The following NLRP2 variants were observed in gnomAD, a reference collection of about 807,000 sequenced individuals.
NLRP2 encodes the protein NACHT, LRR and PYD domains-containing protein 2.
In NLRP2, 107 loss-of-function variants were observed where a neutral mutation model predicts 97.2. That is an observed-to-expected ratio of 1.10 (90% CI 0.94 to 1.29). NLRP2 has a LOEUF of 1.29. Among genes scored for constraint, NLRP2 ranks in the 50% most tolerant of loss-of-function variants. The pLI, the probability that NLRP2 is intolerant of heterozygous loss-of-function variation, is 0.00. For missense variants in NLRP2, 1,495 were observed against 1,330.3 expected (o/e 1.12, Z -1.93); for synonymous variants, 663 against 551.5 (o/e 1.20, Z -2.83).
chr19:54,970,642 GC>G (rs1390611505), intron 2 of NLRP2, among the ~76,000 whole-genome samples: 1 of 151,246 alleles, frequency 6.6e-6, no homozygotes, highest in African/African-American at 2.4e-5. Flanking sequence ...GGCAACAAGA[GC>G]AAAATTCTGT....
intron 4 of NLRP2, among the ~76,000 whole-genome samples, chr19:54,981,394 T>C (rs1280715447): frequency 6.6e-6 from 1 of 151,906 alleles, no homozygotes; most frequent in Non-Finnish European, 1.5e-5. Context: ...CTCGAACTCC[T>C]GAGCTCAAGT....
At chr19:54,980,693 G>A (rs917339606) in intron 4 of NLRP2, among the ~76,000 whole-genome samples, 4 of 152,292 alleles carry the variant, frequency 2.6e-5, no homozygotes, top group East Asian at 1.9e-4. Flanking sequence ...TTTAACTTGC[G>A]GTCTTCTTTC....
chr19:54,986,343 C>T (rs756220276), intron 8 of NLRP2, 28 bp downstream of exon 8: 6 of 1,602,530 alleles, frequency 3.7e-6, no homozygotes, highest in Non-Finnish European at 5.1e-6. Flanking sequence ...TAAAATCCTT[C>T]ATCATACAAA....
At chr19:54,976,842 CGCTT>C (rs1290245899) in intron 3 of NLRP2, 21 of 239,708 alleles carry the variant, frequency 8.8e-5, no homozygotes, top group Non-Finnish European at 8.4e-5. Context: ...TACGGAGTCT[CGCTT>C]GCTCTTTTGC....
At chr19:54,998,025 C>CTTTTTTTTTTTTTTTT (rs757893808) in intron 12 of NLRP2, among the ~76,000 whole-genome samples, 2 of 127,296 alleles carry the variant, frequency 1.6e-5, no homozygotes, top group African/African-American at 2.9e-5. Context: ...TTTTTTCTTT[C>CTTTTTTTTTTTTTTTT]TTTTTTTTTT....
chr19:54,978,057 A>AGTTTTTGTTTTT (rs749324557), intron 4 of NLRP2, among the ~76,000 whole-genome samples: 1 of 151,854 alleles, frequency 6.6e-6, no homozygotes, highest in Non-Finnish European at 1.5e-5. Flanking sequence ...CAGCGCAGAG[A>AGTTTTTGTTTTT]GTTTTTGTTT....
chr19:55,000,755 C>T lies in NLRP2; in HGVS notation c.3051-5C>T. ...GTAACCTTTTCTTCCCCCATTGTACCCCAGGTTGAAAATCGATGACTTTAA... is the reference window on the plus strand; with the variant it reads ...GTAACCTTTTCTTCCCCCATTGTACTCCAGGTTGAAAATCGATGACTTTAA... On this transcript the variant is annotated splice_region_variant and splice_polypyrimidine_tract_variant and intron_variant, in intron 12 of 12. Coordinates refer to ENST00000448584, the MANE Select transcript of NLRP2 (RefSeq NM_017852.5). 6.2e-7 allele frequency: 1 copy of T among 1,613,470 alleles called. No homozygotes were observed. Among genetic ancestry groups the T allele is most frequent in the South Asian group, 1.1e-5 (1 of 91,036 alleles).
chr19:54,970,107 C>G lies in NLRP2; in HGVS notation c.92C>G (p.Thr31Arg). Residue 31 changes from threonine (T) to arginine (R), a missense_variant, in exon 2 of 13, where the codon ACG (threonine) becomes AGG (arginine). Coordinates refer to ENST00000448584, the MANE Select transcript of NLRP2 (RefSeq NM_017852.5). ...TTGAGCAAGTTCAAGTATCTGATCA[C>G]GACCTTCTCCCTGGCACACGAGCTC... ...DELSKFKYLI[T>R]TFSLAHELQK... 1 of 1,614,110 alleles carries G rather than the reference C, an allele frequency of 6.2e-7. No individual in the cohort carries two copies. The highest frequency in any genetic ancestry group is 2.2e-5 in the East Asian group (1 of 44,878).
intron 6 of NLRP2, among the ~76,000 whole-genome samples, chr19:54,984,500 T>TTTTTTTTTTTTG (rs764786892): frequency 1.5e-5 from 2 of 132,850 alleles, no homozygotes; most frequent in Non-Finnish European, 1.6e-5. Flanking sequence ...TTTTTTTTTT[T>TTTTTTTTTTTTG]GAGACGGAGT....
chr19:54,981,509 G>GACCCCCCCCCCCCCCCCCCC, intron 4 of NLRP2, 108 bp from the exon 5 acceptor site: 2 of 386,504 alleles, frequency 5.2e-6, no homozygotes, highest in Non-Finnish European at 1.1e-5. Context: ...CTGATCCCGT[G>GACCCCCCCCCCCCCCCCCCC]CCCCCCCTCC....
intron 8 of NLRP2, among the ~76,000 whole-genome samples, chr19:54,988,300 C>T (rs546393101): frequency 5.1e-4 from 77 of 152,072 alleles, no homozygotes; most frequent in African/African-American, 1.9e-3. Context: ...TAATTTCTTT[C>T]TTTTTTTCTC....
In NLRP2 at chr19:54,983,565, G is replaced by A. The variant is rs755514044; in HGVS notation, c.1867G>A (p.Ala623Thr). 6.2e-6 allele frequency: 10 copies of A among 1,614,040 alleles called. No individual in the cohort carries two copies. In the Admixed American group the frequency reaches 1.5e-4, roughly 24 times the overall value. Residue 623 changes from alanine (A) to threonine (T), a missense_variant, in exon 6 of 13, where the codon GCT becomes ACT. Ala to Thr is a moderately conservative substitution (Grantham distance 58, BLOSUM62 0). Transcript: ENST00000448584. ...QEEELVKEVM[A>T]QFKEISLHLN... ...GGAGGAGCTGGTGAAGGAGGTGATGGCTCAGTTCAAAGAAATATCCCTGCA... is the reference window on the plus strand; with the variant it reads ...GGAGGAGCTGGTGAAGGAGGTGATGACTCAGTTCAAAGAAATATCCCTGCA...
In NLRP2 at chr19:54,986,265, C is replaced by T. The variant is rs376463314; in HGVS notation, c.2316C>T (p.Pro772=). ...LQGNDQDDMF[P]ALCEVLRHPE... The stretch of plus-strand genomic sequence containing the variant: ...GCAATGACCAGGATGATATGTTTCC[C>T]GCATTGTGTGAGGTCTTGAGACATC... Residue 772 remains proline, a synonymous_variant, in exon 8 of 13, where the codon CCC becomes CCT. Transcript: ENST00000448584. 173 of 1,613,894 alleles carry T rather than the reference C, an allele frequency of 1.1e-4. No individual in the cohort carries two copies. Among genetic ancestry groups the T allele is most frequent in the Admixed American group, 2.8e-4 (17 of 59,980 alleles).
chr19:54,987,548 C>T (rs1450469241), intron 8 of NLRP2, among the ~76,000 whole-genome samples: 2 of 152,146 alleles, frequency 1.3e-5, no homozygotes, highest in African/African-American at 4.8e-5. Context: ...TCAAGACCGG[C>T]CTGGTCAACA....
intron 7 of NLRP2, among the ~76,000 whole-genome samples, chr19:54,985,701 A>G (rs1215449025): frequency 5.7e-5 from 8 of 139,138 alleles, no homozygotes; most frequent in Admixed American, 1.4e-4. Context: ...AAAAAAAAGA[A>G]AAAGAAAAAA....
rs754923366 is a variant in NLRP2, at chr19:54,969,988, T to C, written c.-17-11T>C. ...CATCCCTCTCCACTCCTCCCTTGAT[T>C]GTCATCACAGCTCCCACGTGGGACA... is the stretch of plus-strand genomic sequence containing the variant. On this transcript the variant is annotated splice_polypyrimidine_tract_variant and intron_variant, in intron 1 of 12. Transcript: ENST00000448584. 2 of 1,612,232 alleles carry C rather than the reference T, an allele frequency of 1.2e-6. No homozygotes were observed. The highest frequency in any genetic ancestry group is 2.2e-5 in the South Asian group (2 of 91,008).
Position 54,983,376 on chromosome 19 carries a change from C to T in NLRP2, c.1678C>T (p.Leu560Phe), listed in dbSNP as rs377213172. The change falls in exon 6 of 13, where the codon CTC becomes TTC. Residue 560 changes from leucine (L) to phenylalanine (F), a missense_variant. Transcript: ENST00000448584. The part of the protein sequence containing the change: ...LIQAGYYSFG[L>F]ANEKRAKELE... ...CCAAGCAGGCTACTACTCCTTTGGC[C>T]TCGCTAACGAGAAGAGAGCCAAGGA... is the stretch of plus-strand genomic sequence containing the variant. 351 of 1,614,076 alleles carry T rather than the reference C, an allele frequency of 2.2e-4. No homozygotes were observed. Among genetic ancestry groups the T allele is most frequent in the Non-Finnish European group, 2.9e-4 (341 of 1,180,050 alleles).
At chr19:54,976,949 G>C (rs1335515654) in intron 3 of NLRP2, 6 of 375,824 alleles carry the variant, frequency 1.6e-5, no homozygotes, top group Admixed American at 3.5e-5. Flanking sequence ...CAAGTAGCTG[G>C]GACTTACAGG....
chr19:54,994,577 G>A (rs2072701503), intron 11 of NLRP2, 138 bp downstream of exon 11: 1 of 898,858 alleles, frequency 1.1e-6, no homozygotes, highest in Non-Finnish European at 1.8e-6. Context: ...CATTTACTAG[G>A]ATGGTTAAAG....
Sources: allele counts gnomAD v4.1 joint callset (sites outside exome capture counted in the v4.1 genomes callset), GRCh38; gene constraint gnomAD v4.1.1; transcripts MANE v1.5; gene names NCBI Gene and HGNC (gene_info 2026-07-23, HGNC 2026-07-21).